USH2A: variants seen among roughly 807,000 people sequenced by gnomAD.
USH2A encodes the protein Usher syndrome 2A (autosomal recessive, mild).
USH2A carries 443 observed loss-of-function variants against 538.9 expected under a neutral mutation model. The observed-to-expected ratio is 0.82, with a 90% confidence interval of 0.76 to 0.89. USH2A has a LOEUF of 0.89. USH2A is among the 40% of genes least tolerant of loss of function. The probability of loss-of-function intolerance (pLI) is 0.00; values close to 1 mark genes in which losing one functional copy is unlikely to be tolerated. For synonymous variants in USH2A, 2,413 were observed against 2,273.5 expected (o/e 1.06, Z -1.75); for missense variants, 6,633 against 6,324.8 (o/e 1.05, Z -1.65).
intron 41 of USH2A, among the ~76,000 whole-genome samples, chr1:215,879,360 C>G (rs181795306): frequency 6.6e-6 from 1 of 152,174 alleles, no homozygotes; most frequent in Non-Finnish European, 1.5e-5. Context: ...CACACCTTAG[C>G]GATTCATCGC....
At chr1:215,949,667 C>A (rs981098833) in intron 37 of USH2A, among the ~76,000 whole-genome samples, 1 of 151,866 alleles carries the variant, frequency 6.6e-6, no homozygotes, top group Admixed American at 6.6e-5. Context: ...CAAAATAAAG[C>A]AACATATGTT....
rs1276403021 is a variant in USH2A, at chr1:215,894,359, A to G, written c.7595-5305T>C. On this transcript the variant is annotated intron_variant, in intron 40 of 71. Transcript: ENST00000307340. Reference sequence around the variant, plus strand: ...AAACATAAGATGTTTGTCATGCAATATTAGTTTTAAAATTTCAGTAATCTT... The same window carrying G: ...AAACATAAGATGTTTGTCATGCAATGTTAGTTTTAAAATTTCAGTAATCTT... 2.6e-5 allele frequency among the ~76,000 whole-genome samples: 4 copies of G among 152,188 alleles called. No individual in the cohort carries two copies. The South Asian group carries it at 8.3e-4, about 32-fold the overall frequency.
At chr1:216,280,679 A>G (rs947338014) in intron 11 of USH2A, among the ~76,000 whole-genome samples, 3 of 146,018 alleles carry the variant, frequency 2.1e-5, no homozygotes, top group African/African-American at 7.6e-5. Context: ...CCCTCTCAAG[A>G]TTTTGGCATT....
rs554135347 is a variant in USH2A, at chr1:215,660,609, A to G, written c.14134-9808T>C. 6.6e-5 allele frequency among the ~76,000 whole-genome samples: 10 copies of G among 152,316 alleles called. No homozygotes were observed. In the South Asian group the frequency reaches 2.1e-3, roughly 32 times the overall value. Reference sequence around the variant, plus strand: ...TGGCTTTTCAAAAATATTGCTCTACAATGAAATTTGTTAATTGGATGGCTT... The same window carrying G: ...TGGCTTTTCAAAAATATTGCTCTACGATGAAATTTGTTAATTGGATGGCTT... On this transcript the variant is annotated intron_variant, in intron 64 of 71. Transcript: ENST00000307340.
chr1:216,224,725 A>G (rs1157192827), intron 14 of USH2A, among the ~76,000 whole-genome samples: 2 of 152,164 alleles, frequency 1.3e-5, no homozygotes, highest in Admixed American at 6.6e-5. Flanking sequence ...AGAGAAAACA[A>G]TATAGCAAAC....
rs2030527672 is a variant in USH2A at position 216,046,509 on chromosome 1, C to T, written c.6247G>A (p.Gly2083Ser). 4 of 1,613,796 alleles carry T rather than the reference C, an allele frequency of 2.5e-6. No homozygotes were observed. In the East Asian group the frequency reaches 8.9e-5, roughly 36 times the overall value. Residue 2083 changes from glycine (G) to serine (S), a missense_variant, in exon 32 of 72, where the codon GGT (glycine) becomes AGT (serine). Physicochemically the swap from Gly to Ser is moderately conservative, Grantham distance 56. Coordinates refer to ENST00000307340, the MANE Select transcript of USH2A (RefSeq NM_206933.4). ...TATAAACAGTACTGAGTTATAATAC[C>T]ATTTGCCTTTTTGGGTGGGTTCCAG... ...LSWNPPKKANGIITQYCLYMD... is the reference protein window; with the variant it reads ...LSWNPPKKANSIITQYCLYMD...
rs780540569 is a variant in USH2A, at chr1:216,421,846, A to G, written c.485+6T>C. ...TATGAAAGCTTATACCTACACTACT[A>G]CTTACATTACACCTTGTTGCTCAGG... On this transcript the variant is annotated splice_donor_region_variant and intron_variant, in intron 2 of 71. Coordinates refer to ENST00000307340, the MANE Select transcript of USH2A (RefSeq NM_206933.4). The G allele has an allele frequency of 2.5e-6, 4 of 1,613,864 alleles. 1 individual carries two copies. Among genetic ancestry groups the G allele is most frequent in the Middle Eastern group, 3.3e-4 (2 of 6,058 alleles).
In USH2A at chr1:215,674,361, C is replaced by T; in HGVS notation, c.13550G>A (p.Gly4517Asp). 1 of 1,613,972 alleles carries T rather than the reference C, an allele frequency of 6.2e-7. No individual in the cohort carries two copies. The highest frequency in any genetic ancestry group is 8.5e-7 in the Non-Finnish European group (1 of 1,179,940). The stretch of plus-strand genomic sequence containing the variant: ...ATCTTTGACAAGAGGACTCAAAATA[C>T]CCCCTTGGCTGTTGCTGGCAGTTAC... Reference protein sequence around the residue: ...YTVTASNSQGGILSPLVKDRT... With the variant: ...YTVTASNSQGDILSPLVKDRT... Residue 4517 changes from glycine to aspartate, a missense_variant, in exon 63 of 72, where the codon GGT becomes GAT. Physicochemically the swap from Gly to Asp is moderately conservative, Grantham distance 94. Transcript: ENST00000307340.
At chr1:215,743,714 G>A (rs1183628519) in intron 58 of USH2A, among the ~76,000 whole-genome samples, 2 of 150,956 alleles carry the variant, frequency 1.3e-5, no homozygotes, top group East Asian at 3.9e-4. Context: ...CAGCTACTCG[G>A]GAGGCTGAGG....
intron 21 of USH2A, among the ~76,000 whole-genome samples, chr1:216,111,762 T>A (rs2032876465): frequency 6.7e-6 from 1 of 150,198 alleles, no homozygotes; most frequent in Non-Finnish European, 1.5e-5. Context: ...AAAAGAAAAT[T>A]TTCACATAAA....
In USH2A at chr1:215,997,324, C is replaced by T. The variant is rs145964225; in HGVS notation, c.6657+1563G>A. On this transcript the variant is annotated intron_variant, in intron 34 of 71. Coordinates refer to ENST00000307340, the MANE Select transcript of USH2A (RefSeq NM_206933.4). ...AACATCTTGCATCAACACTATTCAG[C>T]GGCTGACAGATAGCATTTGACTCCA... Among the ~76,000 whole-genome samples the T allele has an allele frequency of 6.5e-3, 984 of 152,194 alleles. 9 individuals are homozygous for T. Among genetic ancestry groups the T allele is most frequent in the South Asian group, 0.026 (123 of 4,818 alleles).
At chr1:215,873,705 CG>C (rs1248044755) in intron 43 of USH2A, among the ~76,000 whole-genome samples, 1 of 149,522 alleles carries the variant, frequency 6.7e-6, no homozygotes, top group Non-Finnish European at 1.5e-5. Context: ...AAAAATAAGA[CG>C]AAAATGTGTT....
At chr1:216,253,105 A>G (rs1285260203) in intron 11 of USH2A, among the ~76,000 whole-genome samples, 2 of 152,172 alleles carry the variant, frequency 1.3e-5, no homozygotes, top group East Asian at 3.8e-4. Flanking sequence ...GGTAAAGAGA[A>G]ATAAAAGTGC....
At chr1:216,173,135 C>T (rs922692225) in intron 21 of USH2A, among the ~76,000 whole-genome samples, 4 of 152,092 alleles carry the variant, frequency 2.6e-5, no homozygotes, top group African/African-American at 9.7e-5. Flanking sequence ...ATGCTTACCT[C>T]TCTATTTAGG....
rs1226682001 is a variant in USH2A at position 215,622,922 on chromosome 1, C to CCAT, written c.*2856_*2858dup. On this transcript the variant is annotated 3_prime_UTR_variant, in exon 72 of 72. Coordinates refer to ENST00000307340, the MANE Select transcript of USH2A (RefSeq NM_206933.4). ...CACATTCAAATATTTATTAAGCAAA[C>CCAT]CATCTTTAGATTAGTTTACATGATA... 1.3e-5 allele frequency: 2 copies of CCAT among 152,054 alleles called. No homozygotes were observed. Among genetic ancestry groups the CCAT allele is most frequent in the African/African-American group, 4.8e-5 (2 of 41,404 alleles). 9.4% of individuals were successfully genotyped at this position (152,054 alleles called of 1,614,324 possible).
At chr1:216,419,788 G>T (rs932638870) in intron 2 of USH2A, among the ~76,000 whole-genome samples, 2 of 152,114 alleles carry the variant, frequency 1.3e-5, no homozygotes, top group Non-Finnish European at 2.9e-5. Context: ...TACTGCTAAA[G>T]ATGGTTTAAA....
intron 3 of USH2A, among the ~76,000 whole-genome samples, chr1:216,400,235 TATAA>T (rs1262608265): frequency 4.7e-5 from 6 of 128,732 alleles, no homozygotes; most frequent in Non-Finnish European, 3.4e-5. Flanking sequence ...TATATATATA[TATAA>T]AAGATCCAAA....
chr1:215,706,296 C>T (rs142305193), intron 61 of USH2A, among the ~76,000 whole-genome samples: 51 of 152,304 alleles, frequency 3.3e-4, no homozygotes, highest in African/African-American at 1.2e-3. Context: ...CTTCTTACAT[C>T]TTCCTTTCAG....
intron 55 of USH2A, among the ~76,000 whole-genome samples, chr1:215,779,352 A>T (rs868351298): frequency 4.6e-5 from 7 of 152,292 alleles, no homozygotes; most frequent in South Asian, 2.1e-4. Context: ...ATAATAAATT[A>T]AAAAAACACA....
Sources: allele counts gnomAD v4.1 joint callset (sites outside exome capture counted in the v4.1 genomes callset), GRCh38; gene constraint gnomAD v4.1.1; transcripts MANE v1.5; gene names NCBI Gene and HGNC (gene_info 2026-07-23, HGNC 2026-07-21).